The following MLLT3 variants were observed in gnomAD, a reference collection of about 807,000 sequenced individuals.
The protein encoded by MLLT3 is protein AF-9.
Under a neutral mutation model 53.2 loss-of-function variants are expected in MLLT3, and 4 were observed. The ratio of observed to expected loss-of-function variants is 0.08; its 90% CI spans 0.04 to 0.17. The LOEUF (loss-of-function observed/expected upper bound fraction) is 0.17. MLLT3 is among the 10% of genes least tolerant of loss of function. The pLI, the probability that MLLT3 is intolerant of heterozygous loss-of-function variation, is 1.00. For synonymous variants in MLLT3, 283 were observed against 230.6 expected (o/e 1.23, Z -2.06); for missense variants, 569 against 684.0 (o/e 0.83, Z 1.87).
At chr9:20,465,459 G>C (rs1824212972) in intron 2 of MLLT3, among the ~76,000 whole-genome samples, 1 of 151,196 alleles carries the variant, frequency 6.6e-6, no homozygotes, top group African/African-American at 2.4e-5. Flanking sequence ...TCCAAATGCA[G>C]AGGACAACAA....
At chr9:20,350,340 A>T (rs542860163) in intron 10 of MLLT3, among the ~76,000 whole-genome samples, 7 of 152,204 alleles carry the variant, frequency 4.6e-5, no homozygotes, top group South Asian at 2.1e-4. Context: ...TCACGCCTGT[A>T]ATCCCAGCAC....
intron 2 of MLLT3, among the ~76,000 whole-genome samples, chr9:20,482,383 A>G (rs1481956836): frequency 6.6e-6 from 1 of 152,198 alleles, no homozygotes; most frequent in Non-Finnish European, 1.5e-5. Context: ...GTAACTTTGC[A>G]ATGGTCATCC....
intron 4 of MLLT3, among the ~76,000 whole-genome samples, chr9:20,440,433 A>G (rs1025861969): frequency 6.6e-6 from 1 of 152,180 alleles, no homozygotes; most frequent in Non-Finnish European, 1.5e-5. Flanking sequence ...CTTACAACTC[A>G]TGGAACAAGA....
intron 2 of MLLT3, among the ~76,000 whole-genome samples, chr9:20,590,145 T>C (rs1820091497): frequency 6.6e-6 from 1 of 152,150 alleles, no homozygotes; most frequent in Non-Finnish European, 1.5e-5. Context: ...CACCAACCAC[T>C]CTAACTTAGT....
chr9:20,431,446 C>G (rs1182301798), intron 4 of MLLT3, among the ~76,000 whole-genome samples: 1 of 151,968 alleles, frequency 6.6e-6, no homozygotes, highest in Admixed American at 6.6e-5. Flanking sequence ...GGCTGGAAAG[C>G]AATATAGTAG....
Position 20,575,421 on chromosome 9 carries a change from A to G in MLLT3, c.193+45233T>C, listed in dbSNP as rs558857475. Among the ~76,000 whole-genome samples the G allele has an allele frequency of 4.6e-5, 7 of 152,320 alleles. 1 individual carries two copies. Among genetic ancestry groups the G allele is most frequent in the African/African-American group, 1.7e-4 (7 of 41,578 alleles). On this transcript the variant is annotated intron_variant, in intron 2 of 10. Coordinates refer to ENST00000380338, the MANE Select transcript of MLLT3 (RefSeq NM_004529.4). ...TCATTAGCAATTTTTTTAGCAATAA[A>G]GCATTTTTAAAATTAAATTTTTTAA...
chr9:20,344,958 T>C lies in MLLT3; in HGVS notation c.*1485A>G, dbSNP rs1180381046. 1 of 216,316 alleles carries C rather than the reference T, an allele frequency of 4.6e-6. No individual in the cohort carries two copies. The highest frequency in any genetic ancestry group is 9.3e-6 in the Non-Finnish European group (1 of 107,408). 13.4% of individuals were successfully genotyped at this position (216,316 alleles called of 1,614,324 possible). The stretch of plus-strand genomic sequence containing the variant: ...ATCCAGAAGTATTTCTTCATTTCTC[T>C]TCTTTTCGGCTGAATTTCTAGTAAA... On this transcript the variant is annotated 3_prime_UTR_variant, in exon 11 of 11. Coordinates refer to ENST00000380338, the MANE Select transcript of MLLT3 (RefSeq NM_004529.4).
rs1221600613 is a variant in MLLT3 at position 20,532,272 on chromosome 9, T to C, written c.194-75486A>G. On this transcript the variant is annotated intron_variant, in intron 2 of 10. Coordinates refer to ENST00000380338, the MANE Select transcript of MLLT3 (RefSeq NM_004529.4). Reference sequence around the variant, plus strand: ...CAATACTTTAAAAGATTACCTTCTGTTGTTAGAAATACATTATGGAAAAAT... The same window carrying C: ...CAATACTTTAAAAGATTACCTTCTGCTGTTAGAAATACATTATGGAAAAAT... 1.3e-5 allele frequency among the ~76,000 whole-genome samples: 2 copies of C among 151,764 alleles called. 1 individual carries two copies. The highest frequency in any genetic ancestry group is 4.2e-4 in the South Asian group (2 of 4,796).
At chr9:20,390,343 G>A (rs7029191) in intron 5 of MLLT3, among the ~76,000 whole-genome samples, 20,101 of 151,996 alleles carry the variant, frequency 0.13, 3,182 homozygotes, top group African/African-American at 0.38. Context: ...ATCTACTACC[G>A]AAAAAGAGAA....
rs747893625 is a variant in MLLT3 at position 20,606,410 on chromosome 9, G to T, written c.193+14244C>A. Among the ~76,000 whole-genome samples, 115 of 151,978 alleles carry T rather than the reference G, an allele frequency of 7.6e-4. 2 individuals carry two copies. Among genetic ancestry groups the T allele is most frequent in the Non-Finnish European group, 1.2e-4 (8 of 67,970 alleles). On this transcript the variant is annotated intron_variant, in intron 2 of 10. Coordinates refer to ENST00000380338, the MANE Select transcript of MLLT3 (RefSeq NM_004529.4). ...AATTTCTAAAGCAGAGGTTCCTGCCGTACCCCCTTCACCCACCCGTACTTT... is the reference window on the plus strand; with the variant it reads ...AATTTCTAAAGCAGAGGTTCCTGCCTTACCCCCTTCACCCACCCGTACTTT...
chr9:20,418,818 C>T (rs1026777305), intron 4 of MLLT3, among the ~76,000 whole-genome samples: 2 of 152,098 alleles, frequency 1.3e-5, no homozygotes, highest in Non-Finnish European at 2.9e-5. Flanking sequence ...GTATGGCCAG[C>T]CTTCCCAGCA....
chr9:20,565,304 C>G (rs1330949247), intron 2 of MLLT3, among the ~76,000 whole-genome samples: 3 of 152,006 alleles, frequency 2.0e-5, no homozygotes, highest in Non-Finnish European at 4.4e-5. Flanking sequence ...ACACTTAGAA[C>G]AGTTTGGGCT....
intron 4 of MLLT3, among the ~76,000 whole-genome samples, chr9:20,430,545 A>G (rs1823240865): frequency 6.6e-6 from 1 of 152,156 alleles, no homozygotes; most frequent in South Asian, 2.1e-4. Flanking sequence ...AACATGCTGG[A>G]GCTGGTTTCC....
intron 2 of MLLT3, among the ~76,000 whole-genome samples, chr9:20,517,432 A>G (rs1370072977): frequency 1.3e-5 from 2 of 151,686 alleles, no homozygotes; most frequent in Admixed American, 6.6e-5. Context: ...GGGTCAGCCT[A>G]GTGACAGAGT....
chr9:20,552,233 T>C (rs939319851), intron 2 of MLLT3, among the ~76,000 whole-genome samples: 3 of 152,188 alleles, frequency 2.0e-5, no homozygotes, highest in African/African-American at 7.2e-5. Context: ...CATCAGAGCC[T>C]TCTTACACTT....
chr9:20,504,016 G>A (rs1283184506), intron 2 of MLLT3, among the ~76,000 whole-genome samples: 2 of 152,026 alleles, frequency 1.3e-5, no homozygotes, highest in Admixed American at 6.5e-5. Context: ...CACTTCACAC[G>A]TGCTAGAATG....
In MLLT3 at chr9:20,621,678, C is replaced by T; in HGVS notation, c.12+567G>A. On this transcript the variant is annotated intron_variant, in intron 1 of 10. Coordinates refer to ENST00000380338, the MANE Select transcript of MLLT3 (RefSeq NM_004529.4). This position sits in a 1 kb window ranked among gnomAD's most constrained non-coding sequence, Gnocchi z 7.0. ...CAGCCGCCGAGCCTCGGCTCGCGCT[C>T]AGCACCTCCCGGCGCTGGGGCAAAG... The T allele has an allele frequency of 3.1e-6, 4 of 1,287,040 alleles. No individual in the cohort carries two copies. Among genetic ancestry groups the T allele is most frequent in the Non-Finnish European group, 4.2e-6 (4 of 961,812 alleles). 79.7% of individuals were successfully genotyped at this position (1,287,040 alleles called of 1,614,324 possible).
At chr9:20,391,188 A>C (rs944285710) in intron 5 of MLLT3, among the ~76,000 whole-genome samples, 3 of 152,140 alleles carry the variant, frequency 2.0e-5, no homozygotes, top group Admixed American at 2.0e-4. Context: ...GGGTAGAAAA[A>C]AATTTTAAGG....
chr9:20,573,570 A>C (rs1415966652), intron 2 of MLLT3, among the ~76,000 whole-genome samples: 2 of 152,246 alleles, frequency 1.3e-5, no homozygotes, highest in African/African-American at 4.8e-5. Flanking sequence ...AAGAAAATGC[A>C]AATAAAGTTA....
Sources: gnomAD v4.1 joint callset for allele counts (sites outside exome capture counted in the v4.1 genomes callset) on GRCh38, gnomAD v4.1.1 for gene constraint, Gnocchi (gnomAD v3.1) non-coding constraint, MANE v1.5 for transcripts, NCBI Gene and HGNC (gene_info 2026-07-23, HGNC 2026-07-21) for gene names.